THBS2: variants seen among roughly 807,000 people sequenced by gnomAD.
THBS2 encodes thrombospondin-2.
Under a neutral mutation model 135.2 loss-of-function variants are expected in THBS2, and 47 were observed. That is an observed-to-expected ratio of 0.35 (90% confidence interval 0.28 to 0.44). The LOEUF is 0.44. Among genes scored for constraint, THBS2 ranks in the 20% least tolerant of loss-of-function variants. The pLI is 1.00. For missense variants in THBS2, 1,288 were observed against 1,603.1 expected (o/e 0.80, Z 3.36); for synonymous variants, 639 against 633.8 (o/e 1.01, Z -0.12).
intron 4 of THBS2, among the ~76,000 whole-genome samples, chr6:169,242,734 TTCCCACCGCTCCCACCTTCCCACCTTCCC>T (rs1780377034): frequency 2.3e-5 from 3 of 129,712 alleles, no homozygotes; most frequent in Admixed American, 7.6e-5. Context: ...CCTTCCCACC[TTCCCACCGCTCCCACCTTCCCACCTTCCC>T]ATCTTCCCAT....
intron 4 of THBS2, among the ~76,000 whole-genome samples, chr6:169,243,138 G>A (rs1250453662): frequency 1.4e-3 from 41 of 30,242 alleles, no homozygotes; most frequent in East Asian, 3.2e-3. Flanking sequence ...CCTTCCCACC[G>A]CTCCCACCTT....
At chr6:169,218,938 G>C (rs879774147) in intron 21 of THBS2, among the ~76,000 whole-genome samples, 8 of 149,814 alleles carry the variant, frequency 5.3e-5, no homozygotes, top group Admixed American at 1.3e-4. Flanking sequence ...TGAGTAGGTG[G>C]GTGGATGAGA....
intron 13 of THBS2, 87 bp from the exon 14 acceptor site, chr6:169,229,766 G>A (rs9505891): frequency 6.9e-5 from 75 of 1,085,630 alleles, no homozygotes; most frequent in Non-Finnish European, 7.6e-5. Flanking sequence ...CCAGCATGGC[G>A]CCGAGGAAGG....
At chr6:169,248,120 AGT>A (rs1207861645) in intron 3 of THBS2, among the ~76,000 whole-genome samples, 3 of 149,946 alleles carry the variant, frequency 2.0e-5, no homozygotes, top group Non-Finnish European at 4.4e-5. Flanking sequence ...GTGCATATGC[AGT>A]GTTTGTGTAT....
intron 18 of THBS2, among the ~76,000 whole-genome samples, chr6:169,222,722 G>A (rs1410228979): frequency 6.7e-6 from 1 of 150,246 alleles, no homozygotes; most frequent in African/African-American, 2.4e-5. Flanking sequence ...TTGAACCGGG[G>A]AAAAAAGGTT....
At chr6:169,245,588 C>T (rs184979370) in intron 4 of THBS2, among the ~76,000 whole-genome samples, 117 of 152,140 alleles carry the variant, frequency 7.7e-4, no homozygotes, top group Admixed American at 1.8e-3. Flanking sequence ...GTCAGGAGAT[C>T]GAGACCATCT....
chr6:169,247,229 G>T (rs1290131652), intron 3 of THBS2, among the ~76,000 whole-genome samples: 1 of 152,194 alleles, frequency 6.6e-6, no homozygotes, highest in Non-Finnish European at 1.5e-5. Context: ...TCGTGGTTTA[G>T]AAAGGCGTGC....
At chr6:169,233,817 C>CCACATTCCAGA (rs1779938021) in intron 10 of THBS2, among the ~76,000 whole-genome samples, 1 of 150,492 alleles carries the variant, frequency 6.6e-6, no homozygotes, top group Non-Finnish European at 1.5e-5. Flanking sequence ...CACACAACTG[C>CCACATTCCAGA]CCACACACCA....
At chr6:169,243,748 CTT>C (rs1780456464) in intron 4 of THBS2, among the ~76,000 whole-genome samples, 1 of 152,214 alleles carries the variant, frequency 6.6e-6, no homozygotes, top group Admixed American at 6.5e-5. Context: ...CCGCATATAT[CTT>C]TGCTTCTGCT....
In THBS2 at chr6:169,246,192, C is replaced by T. The variant is rs1780549183; in HGVS notation, c.694+5G>A. On this transcript the variant is annotated splice_donor_5th_base_variant and intron_variant, in intron 4 of 21. Coordinates refer to ENST00000617924, the MANE Select transcript of THBS2 (RefSeq NM_003247.5). ...TATAAAATGCATTTTTCACAACACA[C>T]CTACCTCCCTGGCCTTGCTGGCAAC... The T allele has an allele frequency of 5.0e-6, 8 of 1,613,638 alleles. No individual in the cohort carries two copies. Among genetic ancestry groups the T allele is most frequent in the Non-Finnish European group, 6.8e-6 (8 of 1,179,752 alleles).
Position 169,228,311 on chromosome 6 carries a change from C to T in THBS2, c.2260-30G>A, listed in dbSNP as rs746197811. The T allele has an allele frequency of 1.2e-5, 20 of 1,612,246 alleles. No homozygotes were observed. The Admixed American group carries it at 1.3e-4, about 11-fold the overall frequency. ...AAAACCAAGAAAGGGAAGACTTTAA[C>T]GAAGATCATAGGAATGTGTGTCGGG... On this transcript the variant is annotated intron_variant, in intron 14 of 21. Transcript: ENST00000617924.
rs1391939672 is a variant in THBS2 at position 169,241,409 on chromosome 6, GTGTGTGTA to G, written c.891+345_891+352del. ...ATTATTTTCCTCTGCAGGTGTGTGT[GTGTGTGTA>G]TGTGTGTGTATGTGTGTGTGTATGT... On this transcript the variant is annotated intron_variant, in intron 5 of 21. Transcript: ENST00000617924. This position sits in a 1 kb window ranked among gnomAD's most constrained non-coding sequence, Gnocchi z 5.5. Among the ~76,000 whole-genome samples, 6 of 106,138 alleles carry G rather than the reference GTGTGTGTA, an allele frequency of 5.7e-5. No homozygotes were observed. Among genetic ancestry groups the G allele is most frequent in the East Asian group, 2.7e-4 (1 of 3,706 alleles). 69.6% of individuals were successfully genotyped at this position (106,138 alleles called of 152,430 possible).
intron 13 of THBS2, 135 bp downstream of exon 13, chr6:169,231,845 T>C: frequency 1.1e-6 from 1 of 893,838 alleles, no homozygotes; most frequent in Non-Finnish European, 1.7e-6. Flanking sequence ...AACCTGGTGA[T>C]CAGGCAAGAG....
intron 12 of THBS2, 82 bp from the exon 13 acceptor site, chr6:169,232,280 G>C: frequency 8.1e-6 from 12 of 1,475,946 alleles, no homozygotes; most frequent in Non-Finnish European, 1.1e-5. Context: ...GGGCACCGCA[G>C]GCCCCAGCAG....
intron 4 of THBS2, 32 bp downstream of exon 4, chr6:169,246,165 T>A: frequency 6.4e-7 from 1 of 1,564,928 alleles, no homozygotes; most frequent in Non-Finnish European, 8.8e-7. Context: ...TCCAAGCCAG[T>A]ATATAAAATG....
intron 4 of THBS2, among the ~76,000 whole-genome samples, chr6:169,244,428 A>G (rs1780477110): frequency 6.6e-6 from 1 of 151,826 alleles, no homozygotes; most frequent in African/African-American, 2.4e-5. Flanking sequence ...CTGACTCAAC[A>G]TGCCATGGAC....
intron 4 of THBS2, among the ~76,000 whole-genome samples, chr6:169,244,008 T>TTGTG (rs1462038811): frequency 1.3e-5 from 2 of 152,312 alleles, no homozygotes; most frequent in Admixed American, 1.3e-4. Flanking sequence ...GAAGTCTTTG[T>TTGTG]TGTGTTGGCA....
rs748103696 is a variant in THBS2, at chr6:169,250,816, C to A, written c.-22-10G>T. ...TCCTGCAGCTGAGCTCCTGGGAATA[C>A]AGGAAACCCTTGTTAGTGATGAGTC... On this transcript the variant is annotated splice_polypyrimidine_tract_variant and intron_variant, in intron 1 of 21. Coordinates refer to ENST00000617924, the MANE Select transcript of THBS2 (RefSeq NM_003247.5). 6.2e-6 allele frequency: 10 copies of A among 1,607,008 alleles called. No homozygotes were observed. The Admixed American group carries it at 1.5e-4, about 24-fold the overall frequency.
intron 21 of THBS2, among the ~76,000 whole-genome samples, chr6:169,218,560 ATGGGGCTGGG>A (rs1779276543): frequency 9.8e-6 from 1 of 102,352 alleles, no homozygotes; most frequent in African/African-American, 3.9e-5. Context: ...GGATAGGTGG[ATGGGGCTGGG>A]TGGATGGATG....
Sources: allele counts gnomAD v4.1 joint callset (sites outside exome capture counted in the v4.1 genomes callset), GRCh38; gene constraint gnomAD v4.1.1; non-coding constraint Gnocchi (gnomAD v3.1); transcripts MANE v1.5; gene names NCBI Gene and HGNC (gene_info 2026-07-23, HGNC 2026-07-21).